Variants in AZIN1 observed in about 807,000 individuals in gnomAD.
AZIN1 encodes the protein antizyme inhibitor 1.
AZIN1 carries 12 observed loss-of-function variants against 47.4 expected under a neutral mutation model. The observed-to-expected ratio is 0.25, with a 90% CI of 0.16 to 0.41. AZIN1 has a LOEUF of 0.41. AZIN1 is among the 10% of genes least tolerant of loss of function. AZIN1 has a pLI of 1.00. For missense variants in AZIN1, 410 were observed against 532.4 expected (o/e 0.77, Z 2.26); for synonymous variants, 155 against 176.3 (o/e 0.88, Z 0.96).
At chr8:102,855,681 G>A (rs1291441386) in intron 2 of AZIN1, 3 of 152,140 alleles carry the variant, frequency 2.0e-5, no homozygotes, top group African/African-American at 7.2e-5. Context: ...GCAATGCTAT[G>A]GGCCAAATAA....
At chr8:102,831,580 T>C (rs1346985647) in intron 9 of AZIN1, among the ~76,000 whole-genome samples, 1 of 143,674 alleles carries the variant, frequency 7.0e-6, no homozygotes, top group Non-Finnish European at 1.5e-5. Context: ...GAGGTGGAGG[T>C]TGCAGTGAGC....
chr8:102,858,265 G>A, intron 1 of AZIN1, 115 bp from the exon 2 acceptor site: 1 of 393,734 alleles, frequency 2.5e-6, no homozygotes, highest in South Asian at 1.4e-4. Context: ...TTTCATTAAA[G>A]TCACATTACA....
chr8:102,830,904 C>G (rs113121231), intron 9 of AZIN1, among the ~76,000 whole-genome samples: 27 of 152,284 alleles, frequency 1.8e-4, no homozygotes, highest in African/African-American at 6.0e-4. Context: ...AGTGCAGTAG[C>G]GTGATCACAG....
chr8:102,843,755 AAT>A lies in AZIN1; in HGVS notation c.-95-10_-95-9del. 4 of 1,508,542 alleles carry A rather than the reference AAT, an allele frequency of 2.7e-6. No homozygotes were observed. The highest frequency in any genetic ancestry group is 2.7e-6 in the Non-Finnish European group (3 of 1,131,756). 93.4% of individuals were successfully genotyped at this position (1,508,542 alleles called of 1,614,324 possible). A position where few individuals can be genotyped will look rare whatever the true frequency, so the allele number is the denominator to read the frequency against. On this transcript the variant is annotated splice_polypyrimidine_tract_variant and intron_variant, in intron 2 of 11. Coordinates refer to ENST00000337198, the MANE Select transcript of AZIN1 (RefSeq NM_148174.4). ...CTTAGAATATGCAACAAACTGTCAA[AAT>A]ATAAGTTATATAAAAGTCTGTATTA...
In AZIN1 at chr8:102,829,994, A is replaced by T. The variant is rs187735509; in HGVS notation, c.905-58T>A. ...TTTAATAAAATGGCTCATATGAAAC[A>T]AATTAATGTAATTTTCACATTTCTC... is the stretch of plus-strand genomic sequence containing the variant. On this transcript the variant is annotated intron_variant, in intron 9 of 11. Transcript: ENST00000337198. 35 of 1,071,378 alleles carry T rather than the reference A, an allele frequency of 3.3e-5. No individual in the cohort carries two copies. In the East Asian group the frequency reaches 8.4e-4, roughly 26 times the overall value. The allele number at this position is 1,071,378 out of a possible 1,614,324, so 66.4% of individuals were successfully genotyped here.
intron 1 of AZIN1, among the ~76,000 whole-genome samples, chr8:102,859,758 C>T (rs922933339): frequency 2.6e-5 from 4 of 152,188 alleles, no homozygotes; most frequent in African/African-American, 9.7e-5. Context: ...ATTGCTTGAA[C>T]TCAAGAGGCG....
At chr8:102,841,836 C>T (rs890036946) in intron 3 of AZIN1, among the ~76,000 whole-genome samples, 7 of 147,564 alleles carry the variant, frequency 4.7e-5, no homozygotes, top group East Asian at 2.0e-4. Flanking sequence ...CCAGGCTGGG[C>T]GCGGTGGCTC....
At chr8:102,829,577 C>A in intron 10 of AZIN1, 91 bp from the exon 11 acceptor site, 1 of 1,229,808 alleles carries the variant, frequency 8.1e-7, no homozygotes. Context: ...GTCTCAGATC[C>A]AATGTGCTCA....
chr8:102,845,135 A>ACCCC (rs1812488155), intron 2 of AZIN1, among the ~76,000 whole-genome samples: 1 of 106,118 alleles, frequency 9.4e-6, no homozygotes, highest in Non-Finnish European at 2.0e-5. Context: ...TCCTCCCACC[A>ACCCC]CCCCCCTCCA....
chr8:102,829,857 C>G lies in AZIN1; in HGVS notation c.984G>C (p.Leu328=). Reference sequence around the variant, plus strand: ...CTGGAATGGTATTTAAGTCCTCAGACAGTTTACTTGCAAAAGAACCATAAA... The same window carrying G: ...CTGGAATGGTATTTAAGTCCTCAGAGAGTTTACTTGCAAAAGAACCATAAA... ...DGVYGSFASK[L]SEDLNTIPEV... is the part of the protein sequence containing the mutation. Residue 328 remains leucine, a synonymous_variant, in exon 10 of 12, where the codon CTG becomes CTC. Transcript: ENST00000337198. The G allele has an allele frequency of 6.2e-7, 1 of 1,613,226 alleles. No homozygotes were observed. The highest frequency in any genetic ancestry group is 1.3e-5 in the African/African-American group (1 of 75,000).
chr8:102,854,361 G>A (rs1193593820), intron 2 of AZIN1: 1 of 151,782 alleles, frequency 6.6e-6, no homozygotes, highest in Non-Finnish European at 1.5e-5. Context: ...AGCATTTTGG[G>A]AGGCAAGGGG....
intron 2 of AZIN1, among the ~76,000 whole-genome samples, chr8:102,846,634 A>G (rs945102028): frequency 3.3e-5 from 5 of 152,048 alleles, no homozygotes; most frequent in African/African-American, 1.2e-4. Context: ...CCTATAAAAC[A>G]CAGGACTCCT....
chr8:102,849,701 C>T (rs907269735), intron 2 of AZIN1, among the ~76,000 whole-genome samples: 2 of 152,146 alleles, frequency 1.3e-5, no homozygotes, highest in Non-Finnish European at 2.9e-5. Context: ...GTTGAGAAAG[C>T]TCAGGTTATT....
chr8:102,839,135 C>T (rs1052661888), intron 4 of AZIN1, among the ~76,000 whole-genome samples: 4 of 152,164 alleles, frequency 2.6e-5, no homozygotes, highest in African/African-American at 9.7e-5. Context: ...GCTACGAGTA[C>T]AGGTATGAGT....
intron 9 of AZIN1, among the ~76,000 whole-genome samples, chr8:102,830,531 G>A (rs1805204588): frequency 6.6e-6 from 1 of 151,732 alleles, no homozygotes; most frequent in Admixed American, 6.6e-5. Context: ...ATCAGCAAGG[G>A]GAAGGCAATA....
chr8:102,847,088 A>T (rs1362845209), intron 2 of AZIN1, among the ~76,000 whole-genome samples: 1 of 152,216 alleles, frequency 6.6e-6, no homozygotes, highest in Non-Finnish European at 1.5e-5. Context: ...CAGAGTTGTT[A>T]ACCACGTCCC....
Position 102,833,086 on chromosome 8 carries a change from C to T in AZIN1, c.874G>A (p.Val292Ile). 1 of 1,612,318 alleles carries T rather than the reference C, an allele frequency of 6.2e-7. No homozygotes were observed. Among genetic ancestry groups the T allele is most frequent in the Non-Finnish European group, 8.5e-7 (1 of 1,178,862 alleles). ...TLAVNIIAKKVVENDKFPSGV... is the reference protein window; with the variant it reads ...TLAVNIIAKKIVENDKFPSGV... ...GAGGGAAATTTATCATTTTCAACAA[C>T]TTTCTTTGCTATGATATTAACTGCG... is the stretch of plus-strand genomic sequence containing the variant. The change falls in exon 9 of 12, where the codon GTT becomes ATT. Residue 292 changes from valine (V) to isoleucine (I), a missense_variant. Coordinates refer to ENST00000337198, the MANE Select transcript of AZIN1 (RefSeq NM_148174.4).
rs763918322 is a variant in AZIN1, at chr8:102,860,016, T to G, written c.-233-1866A>C. 4.9e-4 allele frequency among the ~76,000 whole-genome samples: 75 copies of G among 152,142 alleles called. 1 individual carries two copies. Among genetic ancestry groups the G allele is most frequent in the Non-Finnish European group, 1.5e-4 (10 of 68,032 alleles). Reference sequence around the variant, plus strand: ...GCACTTCTTATAAACACATACAGGATAGATAAGCACTTCTTATAAGCACTT... The same window carrying G: ...GCACTTCTTATAAACACATACAGGAGAGATAAGCACTTCTTATAAGCACTT... On this transcript the variant is annotated intron_variant, in intron 1 of 11. Transcript: ENST00000337198.
chr8:102,851,480 G>A (rs1812914775), intron 2 of AZIN1, among the ~76,000 whole-genome samples: 1 of 152,210 alleles, frequency 6.6e-6, no homozygotes, highest in Non-Finnish European at 1.5e-5. Context: ...GGCTGACGCA[G>A]GTGGATCATG....
Sources: gnomAD v4.1 joint callset for allele counts (sites outside exome capture counted in the v4.1 genomes callset) on GRCh38, gnomAD v4.1.1 for gene constraint, MANE v1.5 for transcripts, NCBI Gene and HGNC (gene_info 2026-07-23, HGNC 2026-07-21) for gene names.